CNTN4: variants seen among roughly 807,000 people sequenced by gnomAD.
CNTN4 encodes the protein contactin 4.
CNTN4 carries 77 observed loss-of-function variants against 122.5 expected under a neutral mutation model. That is an observed-to-expected ratio of 0.63 (90% confidence interval 0.52 to 0.76). CNTN4 has a LOEUF of 0.76. Ranked by LOEUF, CNTN4 falls within the 30% of genes least tolerant of loss-of-function variation. The pLI, the probability that CNTN4 is intolerant of heterozygous loss-of-function variation, is 0.00. For synonymous variants in CNTN4, 512 were observed against 447.0 expected, an observed-to-expected ratio of 1.15 and a Z score of -1.83; for missense variants, 1,256 against 1,259.1, an observed-to-expected ratio of 1.00 and a Z score of 0.04.
chr3:3,029,978 T>A (rs1195583859), intron 15 of CNTN4, among the ~76,000 whole-genome samples: 4 of 152,204 alleles, frequency 2.6e-5, no homozygotes, highest in Admixed American at 2.0e-4. Context: ...GGAGGGCCAA[T>A]ATACCCTAAA....
intron 15 of CNTN4, among the ~76,000 whole-genome samples, chr3:3,026,602 C>A (rs1698741075): frequency 2.0e-5 from 3 of 152,086 alleles, no homozygotes; most frequent in African/African-American, 7.2e-5. Context: ...ACTTCAAATC[C>A]CAAACTCTGT....
chr3:2,757,389 A>ACT (rs2090386874), intron 6 of CNTN4, among the ~76,000 whole-genome samples: 1 of 152,056 alleles, frequency 6.6e-6, no homozygotes, highest in Admixed American at 6.6e-5. Flanking sequence ...CGCTCTCTGG[A>ACT]CTTCTTCCGT....
chr3:2,922,516 C>A lies in CNTN4; in HGVS notation c.1208-3113C>A, dbSNP rs911007140. Among the ~76,000 whole-genome samples the A allele has an allele frequency of 3.3e-5, 5 of 151,930 alleles. No individual in the cohort carries two copies. In the East Asian group the frequency reaches 9.6e-4, roughly 29 times the overall value. ...TTCTGACAATTTTCCCTTAAAAGTACCACAGTTTATGGTTACAACTGATAA... is the reference window on the plus strand; with the variant it reads ...TTCTGACAATTTTCCCTTAAAAGTAACACAGTTTATGGTTACAACTGATAA... On this transcript the variant is annotated intron_variant, in intron 12 of 24. Coordinates refer to ENST00000418658, the MANE Select transcript of CNTN4 (RefSeq NM_175607.3).
At chr3:2,672,985 A>G (rs941745286) in intron 4 of CNTN4, among the ~76,000 whole-genome samples, 2 of 152,198 alleles carry the variant, frequency 1.3e-5, no homozygotes, top group African/African-American at 4.8e-5. Context: ...ACAATAATAG[A>G]TATTCAAAGT....
chr3:3,002,711 G>T (rs907127265), intron 14 of CNTN4, among the ~76,000 whole-genome samples: 6 of 152,130 alleles, frequency 3.9e-5, no homozygotes, highest in Non-Finnish European at 7.4e-5. Flanking sequence ...TGATGAAGAA[G>T]AAGTTGGAAT....
intron 3 of CNTN4, among the ~76,000 whole-genome samples, chr3:2,399,226 G>C (rs952803817): frequency 6.6e-6 from 1 of 152,010 alleles, no homozygotes; most frequent in African/African-American, 2.4e-5. Flanking sequence ...CTCTGGGTTA[G>C]TTTAGATTCC....
At chr3:2,108,121 G>GT (rs1236689494) in intron 2 of CNTN4, among the ~76,000 whole-genome samples, 1 of 148,254 alleles carries the variant, frequency 6.7e-6, no homozygotes, top group Non-Finnish European at 1.5e-5. Context: ...CAGACCAACT[G>GT]TAACAATCTA....
chr3:2,406,636 C>T (rs1278461757), intron 3 of CNTN4, among the ~76,000 whole-genome samples: 2 of 152,048 alleles, frequency 1.3e-5, no homozygotes, highest in African/African-American at 4.8e-5. Context: ...AAGTCTGGCT[C>T]TCTCATTAAA....
At chr3:2,432,769 G>A (rs565061383) in intron 3 of CNTN4, among the ~76,000 whole-genome samples, 1 of 150,052 alleles carries the variant, frequency 6.7e-6, no homozygotes, top group South Asian at 2.1e-4. Flanking sequence ...GAATAATGCT[G>A]CTGCAGTGAA....
intron 14 of CNTN4, among the ~76,000 whole-genome samples, chr3:3,021,590 T>A (rs1030281491): frequency 6.6e-6 from 1 of 152,198 alleles, no homozygotes; most frequent in Non-Finnish European, 1.5e-5. Flanking sequence ...ACAAAAGGGA[T>A]GTGTCTCCTT....
chr3:2,952,382 CTTAAT>C (rs2124865925), intron 13 of CNTN4, among the ~76,000 whole-genome samples: 1 of 152,292 alleles, frequency 6.6e-6, no homozygotes, highest in East Asian at 1.9e-4. Context: ...GAGCAAGTCA[CTTAAT>C]TTATTGTACT....
At position 2,545,428 on chromosome 3, in the gene CNTN4, C is replaced by T. The variant is rs373226301; in HGVS notation, c.-88-25988C>T. On this transcript the variant is annotated intron_variant, in intron 3 of 24. Coordinates refer to ENST00000418658, the MANE Select transcript of CNTN4 (RefSeq NM_175607.3). ...CTGAATATTTTTGTTAATTTTCTAC[C>T]GCAATTATCTGTCTAATGCTGTCAG... Among the ~76,000 whole-genome samples the T allele has an allele frequency of 1.9e-3, 294 of 152,032 alleles. 12 individuals carry two copies. In the South Asian group the frequency reaches 0.06, roughly 31 times the overall value.
intron 23 of CNTN4, among the ~76,000 whole-genome samples, chr3:3,050,547 T>C (rs1701155244): frequency 6.6e-6 from 1 of 152,018 alleles, no homozygotes; most frequent in African/African-American, 2.4e-5. Context: ...GTGGATCACC[T>C]GAGGTCAGGA....
chr3:2,720,560 T>A (rs1236032488), intron 4 of CNTN4, among the ~76,000 whole-genome samples: 1 of 152,136 alleles, frequency 6.6e-6, no homozygotes, highest in Non-Finnish European at 1.5e-5. Flanking sequence ...GGCAAAAAAT[T>A]TGTGTCCATG....
chr3:2,870,923 A>G (rs1384191450), intron 8 of CNTN4, among the ~76,000 whole-genome samples: 1 of 152,122 alleles, frequency 6.6e-6, no homozygotes, highest in Non-Finnish European at 1.5e-5. Flanking sequence ...TCCTAATACA[A>G]ATGAGGTGTG....
At chr3:2,341,288 A>G (rs2044201768) in intron 3 of CNTN4, among the ~76,000 whole-genome samples, 1 of 152,154 alleles carries the variant, frequency 6.6e-6, no homozygotes, top group South Asian at 2.1e-4. Context: ...TCTTGTGCCA[A>G]CATCAGTGTA....
chr3:2,530,021 G>C (rs1000449481), intron 3 of CNTN4, among the ~76,000 whole-genome samples: 1 of 152,060 alleles, frequency 6.6e-6, no homozygotes, highest in Non-Finnish European at 1.5e-5. Context: ...TCCCTCATGT[G>C]ATGCTTGGGC....
rs375338681 is a variant in CNTN4 at position 2,864,438 on chromosome 3, G to GA, written c.455-2305dup. Among the ~76,000 whole-genome samples the GA allele has an allele frequency of 8.0e-3, 1,205 of 150,280 alleles. 10 individuals are homozygous for GA. The highest frequency in any genetic ancestry group is 0.028 in the African/African-American group (1,136 of 40,990). ...TGAGAGTTCTGAAAAATATTGCAGG[G>GA]AAAAAAAAATCATTTCCTAGCCAGG... On this transcript the variant is annotated intron_variant, in intron 7 of 24. Transcript: ENST00000418658.
In CNTN4 at chr3:2,880,990, A is replaced by G. The variant is rs2093902633; in HGVS notation, c.653-2155A>G. Among the ~76,000 whole-genome samples the G allele has an allele frequency of 2.6e-5, 4 of 152,238 alleles. No homozygotes were observed. In the South Asian group the frequency reaches 8.3e-4, roughly 32 times the overall value. On this transcript the variant is annotated intron_variant, in intron 8 of 24. Transcript: ENST00000418658. ...ATACCCAGATTAAGGTTGCTGAACC[A>G]AATGATATCAAAGGTCCCTTCCAAA...
Sources: allele counts gnomAD v4.1 joint callset (sites outside exome capture counted in the v4.1 genomes callset), GRCh38; gene constraint gnomAD v4.1.1; transcripts MANE v1.5; gene names NCBI Gene and HGNC (gene_info 2026-07-23, HGNC 2026-07-21).